The following MBTPS1 variants were observed in gnomAD, a reference collection of about 807,000 sequenced individuals.
The protein encoded by MBTPS1 is membrane-bound transcription factor site-1 protease.
In MBTPS1, 94 loss-of-function variants were observed where a neutral mutation model predicts 127.8. The observed-to-expected ratio is 0.74, with a 90% confidence interval of 0.62 to 0.87. The LOEUF is 0.87. MBTPS1 is among the 40% of genes least tolerant of loss of function. The probability of loss-of-function intolerance (pLI) is 0.00; values close to 1 mark genes in which losing one functional copy is unlikely to be tolerated. For missense variants in MBTPS1, 1,636 were observed against 1,353.2 expected (o/e 1.21, Z -3.28); for synonymous variants, 632 against 509.4 (o/e 1.24, Z -3.24).
intron 11 of MBTPS1, chr16:84,075,042 CT>C (rs2085833246): frequency 4.9e-6 from 1 of 204,704 alleles, no homozygotes; most frequent in Non-Finnish European, 9.8e-6. Flanking sequence ...CTAATGGAAA[CT>C]TGGACTTGAG....
In MBTPS1 at chr16:84,070,691, C is replaced by T. The variant is rs377690281; in HGVS notation, c.1679G>A (p.Gly560Asp). The T allele has an allele frequency of 9.5e-5, 153 of 1,613,996 alleles. 1 individual carries two copies. The highest frequency in any genetic ancestry group is 1.3e-4 in the Non-Finnish European group (152 of 1,179,952). Reference protein sequence around the residue: ...SYSSVLWPWSGYLAISISVTK... With the variant: ...SYSSVLWPWSDYLAISISVTK... ...CACAGAAATGGAGATGGCCAGGTAG[C>T]CCGACCAAGGCCATAAGACCGAGGA... Residue 560 changes from glycine to aspartate, a missense_variant, in exon 13 of 23, where the codon GGC becomes GAC. By Grantham distance (94) the Gly-to-Asp change is moderately conservative (BLOSUM62 -1). Coordinates refer to ENST00000343411, the MANE Select transcript of MBTPS1 (RefSeq NM_003791.4).
chr16:84,099,255 A>G lies in MBTPS1; in HGVS notation c.219T>C (p.Ile73=), dbSNP rs1159520537. The change falls in exon 3 of 23, where the codon ATT becomes ATC. Residue 73 remains isoleucine, a synonymous_variant. Transcript: ENST00000343411. ...YFTAKARNSF[I]SSALKSSEVD... ...CTTCACTGCTCTTCAGGGCACTTGA[A>G]ATAAATGAATTTCTAGCTTTGGCTG... The G allele has an allele frequency of 6.2e-7, 1 of 1,614,192 alleles. No homozygotes were observed. The highest frequency in any genetic ancestry group is 8.5e-7 in the Non-Finnish European group (1 of 1,180,018).
chr16:84,093,502 G>T (rs567038283), intron 5 of MBTPS1, among the ~76,000 whole-genome samples: 1 of 152,224 alleles, frequency 6.6e-6, no homozygotes, highest in South Asian at 2.1e-4. Flanking sequence ...CCGGGACAGG[G>T]AGCTGCCCCC....
rs75321401 is a variant in MBTPS1 at position 84,100,104 on chromosome 16, C to T, written c.164-794G>A. Reference sequence around the variant, plus strand: ...TCCCCACCTTCACCAATTACAATGGCACCTGTTCCAAAGAATCAAGGTGTA... The same window carrying T: ...TCCCCACCTTCACCAATTACAATGGTACCTGTTCCAAAGAATCAAGGTGTA... On this transcript the variant is annotated intron_variant, in intron 2 of 22. Coordinates refer to ENST00000343411, the MANE Select transcript of MBTPS1 (RefSeq NM_003791.4). 5.1e-3 allele frequency among the ~76,000 whole-genome samples: 774 copies of T among 152,330 alleles called. 4 individuals are homozygous for T. The highest frequency in any genetic ancestry group is 0.018 in the African/African-American group (737 of 41,588).
intron 10 of MBTPS1, among the ~76,000 whole-genome samples, chr16:84,084,518 A>G (rs2085990228): frequency 1.3e-5 from 2 of 152,232 alleles, no homozygotes; most frequent in South Asian, 4.1e-4. Context: ...TATGTATTCC[A>G]TAACATCATG....
intron 12 of MBTPS1, chr16:84,071,972 C>G (rs189639204): frequency 6.6e-6 from 1 of 152,162 alleles, no homozygotes; most frequent in Non-Finnish European, 1.5e-5. Flanking sequence ...ACCAAAGATA[C>G]CCACCCCACA....
Position 84,073,396 on chromosome 16 carries a change from T to G in MBTPS1, c.1593+1201A>C, listed in dbSNP as rs557590885. On this transcript the variant is annotated intron_variant, in intron 12 of 22. Transcript: ENST00000343411. Reference sequence around the variant, plus strand: ...ATCCTCCTGCCTCAGCCTCTCAAAGTGCTGGGATTACAGGCTTGAGCCAAC... The same window carrying G: ...ATCCTCCTGCCTCAGCCTCTCAAAGGGCTGGGATTACAGGCTTGAGCCAAC... Among the ~76,000 whole-genome samples the G allele has an allele frequency of 8.5e-4, 130 of 152,284 alleles. No individual in the cohort carries two copies. In the Middle Eastern group the frequency reaches 0.01, roughly 12 times the overall value.
rs375415923 is a variant in MBTPS1 at position 84,101,029 on chromosome 16, G to A, written c.163+592C>T. On this transcript the variant is annotated intron_variant, in intron 2 of 22. Coordinates refer to ENST00000343411, the MANE Select transcript of MBTPS1 (RefSeq NM_003791.4). ...AAAAAAAAAAAAAAAGGCCTGGCAC[G>A]ATAGTTCATGCCTGTAGTCCCAACA... is the stretch of plus-strand genomic sequence containing the variant. 7.5e-5 allele frequency among the ~76,000 whole-genome samples: 11 copies of A among 146,388 alleles called. No homozygotes were observed. In the East Asian group the frequency reaches 1.8e-3, roughly 24 times the overall value.
chr16:84,068,829 G>T (rs930487499), intron 14 of MBTPS1, among the ~76,000 whole-genome samples: 1 of 152,248 alleles, frequency 6.6e-6, no homozygotes, highest in African/African-American at 2.4e-5. Flanking sequence ...CAGGGACGCT[G>T]GAACAAGCCA....
chr16:84,087,560 A>G (rs2086048278), intron 8 of MBTPS1, 100 bp from the exon 9 acceptor site: 2 of 731,594 alleles, frequency 2.7e-6, no homozygotes, highest in African/African-American at 3.6e-5. Flanking sequence ...TACTCCCAGA[A>G]CAATCTAACA....
chr16:84,099,537 G>A (rs1212897349), intron 2 of MBTPS1, among the ~76,000 whole-genome samples: 3 of 152,166 alleles, frequency 2.0e-5, no homozygotes, highest in African/African-American at 7.2e-5. Flanking sequence ...TGTAATCCCA[G>A]CACTTTGGGA....
chr16:84,072,617 C>T (rs190525119), intron 12 of MBTPS1, among the ~76,000 whole-genome samples: 287 of 152,144 alleles, frequency 1.9e-3, no homozygotes, highest in African/African-American at 6.7e-3. Flanking sequence ...TGGTGAAACC[C>T]GTCTCTACTA....
intron 9 of MBTPS1, chr16:84,085,920 G>A (rs1263103145): frequency 1.3e-5 from 2 of 152,064 alleles, no homozygotes; most frequent in Non-Finnish European, 2.9e-5. Context: ...TGTTTCAAAC[G>A]GTTGTAAAAG....
intron 11 of MBTPS1, among the ~76,000 whole-genome samples, chr16:84,075,824 C>T (rs1205093483): frequency 6.6e-6 from 1 of 152,146 alleles, no homozygotes; most frequent in Non-Finnish European, 1.5e-5. Context: ...CAGATACCAC[C>T]TTCACAAGTC....
intron 12 of MBTPS1, among the ~76,000 whole-genome samples, chr16:84,072,605 C>G (rs961793422): frequency 6.6e-6 from 1 of 152,120 alleles, no homozygotes; most frequent in Non-Finnish European, 1.5e-5. Flanking sequence ...TCCTGGCTAA[C>G]ATGGTGAAAC....
chr16:84,104,325 A>G (rs1034586608), intron 1 of MBTPS1, among the ~76,000 whole-genome samples: 1 of 152,040 alleles, frequency 6.6e-6, no homozygotes, highest in African/African-American at 2.4e-5. Flanking sequence ...TACAAAAAAA[A>G]CATTAAAAAT....
intron 18 of MBTPS1, among the ~76,000 whole-genome samples, chr16:84,065,301 T>C (rs970333667): frequency 6.6e-6 from 1 of 152,144 alleles, no homozygotes; most frequent in Non-Finnish European, 1.5e-5. Flanking sequence ...GTATTTTTAG[T>C]AGAGACAGGG....
Position 84,065,687 on chromosome 16 carries a change from T to C in MBTPS1, c.2431+3A>G, listed in dbSNP as rs774254349. 1.2e-6 allele frequency: 2 copies of C among 1,610,042 alleles called. No homozygotes were observed. The highest frequency in any genetic ancestry group is 2.2e-5 in the South Asian group (2 of 90,914). On this transcript the variant is annotated splice_donor_region_variant and intron_variant, in intron 18 of 22. Coordinates refer to ENST00000343411, the MANE Select transcript of MBTPS1 (RefSeq NM_003791.4). ...CAAAAGGCCCATGAATGGCATCCTTTACCTTGGTCCTTGAAAGTCTGTGTT... is the reference window on the plus strand; with the variant it reads ...CAAAAGGCCCATGAATGGCATCCTTCACCTTGGTCCTTGAAAGTCTGTGTT...
intron 9 of MBTPS1, chr16:84,086,525 G>A (rs1478769879): frequency 6.6e-6 from 1 of 152,612 alleles, no homozygotes; most frequent in Non-Finnish European, 1.5e-5. Context: ...TGGTGGGGCT[G>A]AGTGGCGGGG....
Sources: gnomAD v4.1 joint callset for allele counts (sites outside exome capture counted in the v4.1 genomes callset) on GRCh38, gnomAD v4.1.1 for gene constraint, MANE v1.5 for transcripts, NCBI Gene and HGNC (gene_info 2026-07-23, HGNC 2026-07-21) for gene names.